MARCHF1: variants seen among roughly 807,000 people sequenced by gnomAD.
MARCHF1 encodes membrane associated ring-CH-type finger 1, also known as E3 ubiquitin-protein ligase MARCHF1.
A neutral mutation model predicts 54.2 loss-of-function variants in MARCHF1; 40 were observed. That is an observed-to-expected ratio of 0.74 (90% CI 0.57 to 0.96). MARCHF1 has a LOEUF of 0.96. Ranked by LOEUF, MARCHF1 falls within the 40% of genes least tolerant of loss-of-function variation. The probability of loss-of-function intolerance (pLI) is 0.00; values close to 1 mark genes in which losing one functional copy is unlikely to be tolerated. For missense variants in MARCHF1, 586 were observed against 656.5 expected (o/e 0.89, Z 1.17); for synonymous variants, 236 against 236.3 (o/e 1.00, Z 0.01).
chr4:163,682,288 G>A (rs1744129841), intron 5 of MARCHF1, among the ~76,000 whole-genome samples: 1 of 152,212 alleles, frequency 6.6e-6, no homozygotes, highest in Non-Finnish European at 1.5e-5. Context: ...TTTGCAGCCT[G>A]ACAATGTGAT....
intron 3 of MARCHF1, among the ~76,000 whole-genome samples, chr4:163,928,452 A>G (rs778624379): frequency 1.3e-5 from 2 of 151,884 alleles, no homozygotes; most frequent in Admixed American, 1.3e-4. Flanking sequence ...ATTTAGGTGG[A>G]CTTTACAATT....
chr4:163,749,474 T>A (rs1746457264), intron 4 of MARCHF1, among the ~76,000 whole-genome samples: 1 of 152,136 alleles, frequency 6.6e-6, no homozygotes, highest in African/African-American at 2.4e-5. Flanking sequence ...TGAATATTAA[T>A]AGAAGTGATG....
At chr4:164,250,820 C>G (rs1007227163) in intron 1 of MARCHF1, among the ~76,000 whole-genome samples, 3 of 151,988 alleles carry the variant, frequency 2.0e-5, no homozygotes, top group Non-Finnish European at 4.4e-5. Context: ...AAATGGAAAT[C>G]AAGAAGAGGA....
intron 5 of MARCHF1, among the ~76,000 whole-genome samples, chr4:163,616,271 G>A (rs1049227197): frequency 6.6e-6 from 1 of 152,094 alleles, no homozygotes; most frequent in African/African-American, 2.4e-5. Context: ...GCAAAGGATT[G>A]TTTCCTCTGC....
chr4:163,555,417 C>CAA (rs1176737956), intron 8 of MARCHF1, among the ~76,000 whole-genome samples: 1 of 151,934 alleles, frequency 6.6e-6, no homozygotes, highest in Non-Finnish European at 1.5e-5. Flanking sequence ...CATATCCCCC[C>CAA]AAAAAACTCA....
chr4:163,914,503 A>G (rs4431176), intron 3 of MARCHF1, among the ~76,000 whole-genome samples: 145,869 of 152,106 alleles, frequency 0.96, 70,248 homozygotes, highest in East Asian at 1. Flanking sequence ...ATTAAAACTT[A>G]AAAGCAAAAT....
chr4:163,940,657 C>T (rs1751894159), intron 3 of MARCHF1, among the ~76,000 whole-genome samples: 2 of 151,956 alleles, frequency 1.3e-5, no homozygotes, highest in African/African-American at 4.8e-5. Context: ...CTGGGATTCT[C>T]TTTAATTTTA....
chr4:164,129,247 C>T (rs925469748), intron 1 of MARCHF1, among the ~76,000 whole-genome samples: 1 of 152,138 alleles, frequency 6.6e-6, no homozygotes, highest in Non-Finnish European at 1.5e-5. Context: ...TTTTCATCAC[C>T]TCAAATGCGA....
intron 8 of MARCHF1, among the ~76,000 whole-genome samples, chr4:163,577,376 T>G (rs12647827): frequency 0.45 from 67,600 of 151,836 alleles, 15,185 homozygotes; most frequent in East Asian, 0.53. Context: ...TGATTGAAAT[T>G]TCTTTTGTTT....
At chr4:164,188,944 T>C in intron 1 of MARCHF1, 1 of 753,364 alleles carries the variant, frequency 1.3e-6, no homozygotes, top group East Asian at 2.4e-5. Flanking sequence ...ATATTGGAAC[T>C]ATTGCTGAGC....
intron 3 of MARCHF1, among the ~76,000 whole-genome samples, chr4:163,951,208 A>G (rs966230410): frequency 6.6e-6 from 1 of 152,246 alleles, no homozygotes; most frequent in Non-Finnish European, 1.5e-5. Flanking sequence ...ATATATTTGC[A>G]CTTATCCATG....
chr4:163,592,422 A>G (rs1415518692), intron 7 of MARCHF1, among the ~76,000 whole-genome samples: 1 of 152,144 alleles, frequency 6.6e-6, no homozygotes, highest in African/African-American at 2.4e-5. Context: ...GCTGTAGGGA[A>G]TGATCAACAA....
intron 2 of MARCHF1, among the ~76,000 whole-genome samples, chr4:164,014,877 T>C (rs1340317143): frequency 6.6e-6 from 1 of 152,144 alleles, no homozygotes; most frequent in Non-Finnish European, 1.5e-5. Context: ...CTCAGATATA[T>C]AAAGCAAATA....
intron 1 of MARCHF1, among the ~76,000 whole-genome samples, chr4:164,377,691 A>T (rs1346868645): frequency 6.6e-6 from 1 of 152,100 alleles, no homozygotes; most frequent in Non-Finnish European, 1.5e-5. Context: ...CCAATTTATT[A>T]TGTTTAGTTA....
At chr4:164,186,652 T>G (rs6833330) in intron 1 of MARCHF1, among the ~76,000 whole-genome samples, 87,884 of 152,084 alleles carry the variant, frequency 0.58, 28,119 homozygotes, top group Non-Finnish European at 0.75. Context: ...CTGTACTTTC[T>G]TAGTGACAGA....
At chr4:164,373,196 C>T (rs1189959376) in intron 1 of MARCHF1, among the ~76,000 whole-genome samples, 1 of 152,148 alleles carries the variant, frequency 6.6e-6, no homozygotes, top group African/African-American at 2.4e-5. Context: ...CTAACACTAA[C>T]GTTAAGCAAT....
chr4:163,985,259 G>C (rs1752839378), intron 3 of MARCHF1, among the ~76,000 whole-genome samples: 1 of 152,032 alleles, frequency 6.6e-6, no homozygotes, highest in Non-Finnish European at 1.5e-5. Context: ...CAAGTCTAAG[G>C]CACTTCATTT....
At chr4:163,857,364 G>C (rs1749798010) in intron 3 of MARCHF1, among the ~76,000 whole-genome samples, 1 of 152,142 alleles carries the variant, frequency 6.6e-6, no homozygotes, top group African/African-American at 2.4e-5. Flanking sequence ...TCCTACACAG[G>C]TCTGGAGTAC....
chr4:164,068,691 G>A (rs1305939927), intron 2 of MARCHF1, among the ~76,000 whole-genome samples: 2 of 152,120 alleles, frequency 1.3e-5, no homozygotes, highest in Non-Finnish European at 2.9e-5. Flanking sequence ...GCCGCCCCCT[G>A]CTCCATGGCC....
Sources: allele counts gnomAD v4.1 joint callset (sites outside exome capture counted in the v4.1 genomes callset), GRCh38; gene constraint gnomAD v4.1.1; transcripts MANE v1.5; gene names NCBI Gene and HGNC (gene_info 2026-07-23, HGNC 2026-07-21).